Variants in NHLRC2 observed in about 807,000 individuals in gnomAD.
The protein encoded by NHLRC2 is NHL repeat containing 2, also known as NHL repeat-containing protein 2.
In NHLRC2, 33 loss-of-function variants were observed where a neutral mutation model predicts 68.1. The ratio of observed to expected loss-of-function variants is 0.48; its 90% CI spans 0.37 to 0.65. The LOEUF (loss-of-function observed/expected upper bound fraction) is 0.65. Ranked by LOEUF, NHLRC2 falls within the 30% of genes least tolerant of loss-of-function variation. The pLI, the probability that NHLRC2 is intolerant of heterozygous loss-of-function variation, is 0.00. For synonymous variants in NHLRC2, 311 were observed against 309.6 expected, an observed-to-expected ratio of 1.00 and a Z score of -0.05; for missense variants, 761 against 853.8, an observed-to-expected ratio of 0.89 and a Z score of 1.35.
chr10:113,881,582 C>A (rs2134713132), intron 4 of NHLRC2, among the ~76,000 whole-genome samples: 1 of 151,738 alleles, frequency 6.6e-6, no homozygotes, highest in Non-Finnish European at 1.5e-5. Flanking sequence ...CCCCATACCC[C>A]CAACTCTCAC....
chr10:113,890,049 T>G (rs1409365276), intron 5 of NHLRC2, among the ~76,000 whole-genome samples: 1 of 152,200 alleles, frequency 6.6e-6, no homozygotes, highest in Non-Finnish European at 1.5e-5. Flanking sequence ...CTTGGGCAAA[T>G]GCCTAAGAAT....
chr10:113,885,492 A>G (rs1033983000), intron 5 of NHLRC2, among the ~76,000 whole-genome samples: 1 of 152,000 alleles, frequency 6.6e-6, no homozygotes, highest in Admixed American at 6.5e-5. Context: ...ATTACCATGC[A>G]TTAGCAATTC....
At chr10:113,898,027 C>A (rs1010091440) in intron 5 of NHLRC2, 83 bp from the exon 6 acceptor site, 2 of 649,884 alleles carry the variant, frequency 3.1e-6, no homozygotes, top group Non-Finnish European at 5.1e-6. Context: ...TTGTTATCCT[C>A]CATAAATTTA....
Position 113,902,528 on chromosome 10 carries a change from C to CTG in NHLRC2, c.1429_1430insTG (p.Pro477LeufsTer5). ...AGGAATCAATGCAAAGCTTCAACAC[C>CTG]CCCTTGGAGTAACATGGGACAAAAA... On this transcript the variant is annotated frameshift_variant, in exon 8 of 11. Coordinates refer to ENST00000369301, the MANE Select transcript of NHLRC2 (RefSeq NM_198514.4). LOFTEE classifies it high-confidence loss of function. The CTG allele has an allele frequency of 1.2e-6, 2 of 1,603,096 alleles. No individual in the cohort carries two copies. Among genetic ancestry groups the CTG allele is most frequent in the Non-Finnish European group, 1.7e-6 (2 of 1,172,458 alleles).
chr10:113,855,158 C>T, intron 1 of NHLRC2, 108 bp downstream of exon 1: 1 of 980,778 alleles, frequency 1.0e-6, no homozygotes, highest in South Asian at 1.4e-5. Context: ...CGCTGGCGCC[C>T]CGGGGAGTGG....
At position 113,898,221 on chromosome 10, in the gene NHLRC2, CCT is replaced by C. The variant is rs1447835034; in HGVS notation, c.1139+19_1139+20del. 1 of 1,551,060 alleles carries C rather than the reference CCT, an allele frequency of 6.4e-7. No individual in the cohort carries two copies. Among genetic ancestry groups the C allele is most frequent in the Admixed American group, 1.7e-5 (1 of 59,850 alleles). ...CTGCCAAAGAAAAAGTAAGTGACAGCCTCTCTCTTTGAGTAGACTGTACTACT... is the reference window on the plus strand; with the variant it reads ...CTGCCAAAGAAAAAGTAAGTGACAGCCTCTCTTTGAGTAGACTGTACTACT... On this transcript the variant is annotated intron_variant, in intron 6 of 10. Coordinates refer to ENST00000369301, the MANE Select transcript of NHLRC2 (RefSeq NM_198514.4).
chr10:113,882,482 T>C (rs868597655), intron 4 of NHLRC2, among the ~76,000 whole-genome samples: 6 of 151,816 alleles, frequency 4.0e-5, no homozygotes, highest in South Asian at 4.1e-4. Context: ...CCTGTGCTTA[T>C]GGGCCATTTT....
intron 2 of NHLRC2, among the ~76,000 whole-genome samples, chr10:113,862,771 G>C (rs1845829218): frequency 6.6e-6 from 1 of 152,178 alleles, no homozygotes; most frequent in Admixed American, 6.5e-5. Flanking sequence ...AGAGAGCTGG[G>C]ATGGCTATGC....
intron 6 of NHLRC2, among the ~76,000 whole-genome samples, chr10:113,900,279 A>T (rs1211614743): frequency 6.6e-6 from 1 of 152,256 alleles, no homozygotes; most frequent in Non-Finnish European, 1.5e-5. Flanking sequence ...TGAGGAGCCT[A>T]TTGCTGTTAT....
chr10:113,908,068 A>G (rs1217726178), intron 10 of NHLRC2, among the ~76,000 whole-genome samples: 2 of 152,214 alleles, frequency 1.3e-5, no homozygotes, highest in Non-Finnish European at 2.9e-5. Context: ...AAGAACTATA[A>G]TAATTAGATG....
intron 8 of NHLRC2, 109 bp downstream of exon 8, chr10:113,902,702 T>G (rs905960184): frequency 2.0e-5 from 19 of 956,660 alleles, no homozygotes; most frequent in Non-Finnish European, 2.8e-5. Flanking sequence ...TAGAAAGGAG[T>G]AACAGTCTTT....
chr10:113,899,782 G>C (rs935449810), intron 6 of NHLRC2, among the ~76,000 whole-genome samples: 3 of 152,134 alleles, frequency 2.0e-5, no homozygotes, highest in Non-Finnish European at 4.4e-5. Context: ...GCTGGGCGTG[G>C]TGGCGCTTGC....
chr10:113,889,622 A>T (rs183472049), intron 5 of NHLRC2, among the ~76,000 whole-genome samples: 3 of 152,264 alleles, frequency 2.0e-5, no homozygotes, highest in Admixed American at 2.0e-4. Context: ...TAGGTATATA[A>T]TTCTATGAAA....
At chr10:113,855,425 C>G (rs891500108) in intron 1 of NHLRC2, among the ~76,000 whole-genome samples, 1 of 152,168 alleles carries the variant, frequency 6.6e-6, no homozygotes, top group Non-Finnish European at 1.5e-5. Flanking sequence ...TCTGCATCAT[C>G]TTGACATTTA....
intron 4 of NHLRC2, among the ~76,000 whole-genome samples, chr10:113,881,322 A>G (rs1846034448): frequency 6.6e-6 from 1 of 151,826 alleles, no homozygotes; most frequent in Non-Finnish European, 1.5e-5. Context: ...GCATTTAAGT[A>G]TAATCACAAC....
chr10:113,871,841 A>G (rs1845928946), intron 2 of NHLRC2, among the ~76,000 whole-genome samples: 1 of 152,190 alleles, frequency 6.6e-6, no homozygotes, highest in African/African-American at 2.4e-5. Context: ...ATTTCACAAT[A>G]CTAGGAGACA....
Position 113,908,597 on chromosome 10 carries a change from G to A in NHLRC2, c.*61G>A, listed in dbSNP as rs1011420153. ...ACTGTCTCCCATCCTGACTATCACT[G>A]TAATTTAAGGAAAGAAAACTTCAGT... On this transcript the variant is annotated 3_prime_UTR_variant, in exon 11 of 11. Transcript: ENST00000369301. 5.1e-6 allele frequency: 8 copies of A among 1,558,700 alleles called. No homozygotes were observed. The highest frequency in any genetic ancestry group is 7.0e-6 in the Non-Finnish European group (8 of 1,138,360).
At chr10:113,896,344 G>T (rs973875898) in intron 5 of NHLRC2, among the ~76,000 whole-genome samples, 7 of 151,862 alleles carry the variant, frequency 4.6e-5, no homozygotes, top group African/African-American at 9.7e-5. Context: ...CCATAAAAAA[G>T]GATGAGTTCA....
rs1201888069 is a variant in NHLRC2 at position 113,914,892 on chromosome 10, T to G, written c.*6356T>G. On this transcript the variant is annotated 3_prime_UTR_variant, in exon 11 of 11. Transcript: ENST00000369301. The stretch of plus-strand genomic sequence containing the variant: ...GGCTTTACTAATCTACCTATATGTA[T>G]TCCATGGCTAACAAACCCTGGCCCC... 4.7e-6 allele frequency: 2 copies of G among 423,478 alleles called. No homozygotes were observed. The highest frequency in any genetic ancestry group is 1.4e-4 in the East Asian group (2 of 14,260). The allele number at this position is 423,478 out of a possible 1,614,324, so 26.2% of individuals were successfully genotyped here. A position where few individuals can be genotyped will look rare whatever the true frequency, so the allele number is the denominator to read the frequency against.
Sources: allele counts gnomAD v4.1 joint callset (sites outside exome capture counted in the v4.1 genomes callset), GRCh38; gene constraint gnomAD v4.1.1; transcripts MANE v1.5; gene names NCBI Gene and HGNC (gene_info 2026-07-23, HGNC 2026-07-21).